PKN2: variants seen among roughly 807,000 people sequenced by gnomAD.
The protein encoded by PKN2 is protein kinase N2, also known as serine/threonine-protein kinase N2.
Under a neutral mutation model 119.1 loss-of-function variants are expected in PKN2, and 38 were observed. That is an observed-to-expected ratio of 0.32 (90% confidence interval 0.25 to 0.42). The LOEUF is 0.42. Ranked by LOEUF, PKN2 falls within the 10% of genes least tolerant of loss-of-function variation. The pLI is 1.00. For missense variants in PKN2, 850 were observed against 1,165.1 expected (o/e 0.73, Z 3.94); for synonymous variants, 390 against 384.9 (o/e 1.01, Z -0.15).
chr1:88,754,445 G>C (rs1320848783), intron 2 of PKN2, among the ~76,000 whole-genome samples: 1 of 152,200 alleles, frequency 6.6e-6, no homozygotes, highest in Non-Finnish European at 1.5e-5. Flanking sequence ...ACACATTTCA[G>C]TGGAGGGACG....
chr1:88,701,870 G>A (rs115431182), intron 1 of PKN2, among the ~76,000 whole-genome samples: 344 of 152,330 alleles, frequency 2.3e-3, no homozygotes, highest in African/African-American at 7.7e-3. Context: ...AGCAATAGAA[G>A]AGATGGCTCA....
At chr1:88,738,484 G>A (rs1324783362) in intron 1 of PKN2, among the ~76,000 whole-genome samples, 1 of 152,228 alleles carries the variant, frequency 6.6e-6, no homozygotes, top group Non-Finnish European at 1.5e-5. Flanking sequence ...CATGCTTAGT[G>A]GCTGAGCCAA....
At chr1:88,781,753 G>C (rs1333451659) in intron 6 of PKN2, among the ~76,000 whole-genome samples, 1 of 152,130 alleles carries the variant, frequency 6.6e-6, no homozygotes, top group Non-Finnish European at 1.5e-5. Flanking sequence ...GTTTGAAGTA[G>C]TAGCCAGATG....
intron 18 of PKN2, among the ~76,000 whole-genome samples, chr1:88,826,444 A>T (rs1481403458): frequency 6.6e-6 from 1 of 151,574 alleles, no homozygotes; most frequent in African/African-American, 2.4e-5. Context: ...ATTTTTATTT[A>T]TATAAATTTA....
chr1:88,718,306 T>C (rs1348342316), intron 1 of PKN2, among the ~76,000 whole-genome samples: 4 of 152,206 alleles, frequency 2.6e-5, no homozygotes, highest in Non-Finnish European at 5.9e-5. Context: ...CTGTCCGTTC[T>C]CAGATCTCAA....
At chr1:88,738,758 G>T (rs1163366277) in intron 1 of PKN2, among the ~76,000 whole-genome samples, 1 of 152,190 alleles carries the variant, frequency 6.6e-6, no homozygotes, top group Non-Finnish European at 1.5e-5. Context: ...AATGTGTAAG[G>T]ATTGAAACAA....
chr1:88,812,094 A>G (rs941274200), intron 15 of PKN2, among the ~76,000 whole-genome samples: 2 of 152,218 alleles, frequency 1.3e-5, no homozygotes, highest in East Asian at 3.8e-4. Flanking sequence ...GGGACAATAC[A>G]CAGTTTAGAT....
At chr1:88,828,980 GAAAT>G (rs1672618093) in intron 19 of PKN2, 4 of 638,252 alleles carry the variant, frequency 6.3e-6, no homozygotes, top group Middle Eastern at 5.1e-4. Flanking sequence ...AGATTGGTCA[GAAAT>G]AAATGTTACC....
chr1:88,793,413 G>GA (rs1230037810), intron 8 of PKN2, among the ~76,000 whole-genome samples: 8 of 151,640 alleles, frequency 5.3e-5, no homozygotes, highest in Non-Finnish European at 1.2e-4. Flanking sequence ...TATATTTATT[G>GA]AAAAAAAATC....
In PKN2 at chr1:88,697,383, C is replaced by G. The variant is rs142130704; in HGVS notation, c.48+12755C>G. Reference sequence around the variant, plus strand: ...CTAAATTTCCAAAAGCTATTCTTCCCCTGGCTGCTAGAAATCTGCTAGTTA... The same window carrying G: ...CTAAATTTCCAAAAGCTATTCTTCCGCTGGCTGCTAGAAATCTGCTAGTTA... On this transcript the variant is annotated intron_variant, in intron 1 of 21. Coordinates refer to ENST00000370521, the MANE Select transcript of PKN2 (RefSeq NM_006256.4). Among the ~76,000 whole-genome samples, 457 of 152,280 alleles carry G rather than the reference C, an allele frequency of 3.0e-3. 1 individual carries two copies. Among genetic ancestry groups the G allele is most frequent in the Non-Finnish European group, 5.0e-3 (340 of 67,994 alleles).
chr1:88,788,326 G>A (rs937492499), intron 8 of PKN2, among the ~76,000 whole-genome samples: 21 of 152,154 alleles, frequency 1.4e-4, no homozygotes, highest in Non-Finnish European at 2.5e-4. Context: ...ATATCATTTG[G>A]ATTTTGCTAT....
In PKN2 at chr1:88,760,243, C is replaced by T. The variant is rs965419009; in HGVS notation, c.371C>T (p.Thr124Ile). Residue 124 changes from threonine to isoleucine, a missense_variant, in exon 3 of 22, where the codon ACT becomes ATT. Thr to Ile is a moderately conservative substitution (Grantham distance 89). This residue lies in a region of PKN2 where 350 missense variants were observed against 511.1 expected (regional missense o/e 0.68). Transcript: ENST00000370521. Reference protein sequence around the residue: ...DITDCPRTPDTPNNDPRCSTS... With the variant: ...DITDCPRTPDIPNNDPRCSTS... ...ACAGATTGCCCAAGGACTCCAGATA[C>T]TCCAAATAATGACCCTCGTTGTTCT... 8.3e-6 allele frequency: 13 copies of T among 1,568,702 alleles called. No individual in the cohort carries two copies. Among genetic ancestry groups the T allele is most frequent in the South Asian group, 3.4e-5 (3 of 87,552 alleles).
intron 6 of PKN2, among the ~76,000 whole-genome samples, chr1:88,782,339 T>C (rs930876814): frequency 1.3e-5 from 2 of 152,142 alleles, no homozygotes; most frequent in Non-Finnish European, 2.9e-5. Flanking sequence ...CTTGGATACT[T>C]CTTGAGTTTA....
intron 8 of PKN2, among the ~76,000 whole-genome samples, chr1:88,787,798 G>C (rs1420487005): frequency 6.6e-6 from 1 of 152,172 alleles, no homozygotes; most frequent in African/African-American, 2.4e-5. Flanking sequence ...TGCATGTTAA[G>C]CAGGTCCTCT....
chr1:88,685,349 T>C (rs1666048178), intron 1 of PKN2: 1 of 152,110 alleles, frequency 6.6e-6, no homozygotes, highest in Non-Finnish European at 1.5e-5. Context: ...TTTTCAGACT[T>C]TCATTTTCCC....
chr1:88,830,029 A>G (rs1445554103), intron 19 of PKN2, among the ~76,000 whole-genome samples: 1 of 152,152 alleles, frequency 6.6e-6, no homozygotes, highest in Admixed American at 6.6e-5. Context: ...TATGCCTTAA[A>G]TATTAGTTCA....
At chr1:88,780,554 A>G (rs1342438994) in intron 6 of PKN2, among the ~76,000 whole-genome samples, 2 of 152,074 alleles carry the variant, frequency 1.3e-5, no homozygotes, top group South Asian at 2.1e-4. Context: ...TCATCTTCTT[A>G]TATGTATTTT....
chr1:88,827,626 T>TCCCTCCCCTC (rs1672554396), intron 18 of PKN2, among the ~76,000 whole-genome samples: 1 of 136,474 alleles, frequency 7.3e-6, no homozygotes, highest in Non-Finnish European at 1.5e-5. Context: ...TCCCTTCCCT[T>TCCCTCCCCTC]CCCTTCCCTT....
intron 17 of PKN2, among the ~76,000 whole-genome samples, chr1:88,822,663 CT>C (rs1366607935): frequency 1.3e-5 from 2 of 151,028 alleles, no homozygotes; most frequent in Non-Finnish European, 2.9e-5. Flanking sequence ...ATGGCAACCT[CT>C]GCCTCCTGGG....
Sources: allele counts gnomAD v4.1 joint callset (sites outside exome capture counted in the v4.1 genomes callset), GRCh38; gene constraint gnomAD v4.1.1; regional missense constraint gnomAD v4.1.1; transcripts MANE v1.5; gene names NCBI Gene and HGNC (gene_info 2026-07-23, HGNC 2026-07-21).